Variants in TTC14 observed in about 807,000 individuals in gnomAD.
TTC14 encodes tetratricopeptide repeat domain 14.
A neutral mutation model predicts 79.9 loss-of-function variants in TTC14; 63 were observed. The ratio of observed to expected loss-of-function variants is 0.79; its 90% CI spans 0.64 to 0.97. The LOEUF (loss-of-function observed/expected upper bound fraction) is 0.97, where lower values mean the gene tolerates loss of function less well. TTC14 is among the 50% of genes least tolerant of loss of function. The pLI is 0.00. For synonymous variants in TTC14, 335 were observed against 309.6 expected, an observed-to-expected ratio of 1.08 and a Z score of -0.86; for missense variants, 895 against 894.0, an observed-to-expected ratio of 1.00 and a Z score of -0.01.
In TTC14 at chr3:180,603,324, G is replaced by A. The variant is rs768174792; in HGVS notation, c.486+1G>A. 6.2e-7 allele frequency: 1 copy of A among 1,612,628 alleles called. No homozygotes were observed. The highest frequency in any genetic ancestry group is 1.1e-5 in the South Asian group (1 of 91,038). On this transcript the variant is annotated splice_donor_variant, in intron 3 of 11. Coordinates refer to ENST00000296015, the MANE Select transcript of TTC14 (RefSeq NM_133462.4). LOFTEE classifies it high-confidence loss of function. ...AGATATAGCCCACTTAGAAATCACA[G>A]TAAGTTATTTTTGTTACTTGGATTG... is the stretch of plus-strand genomic sequence containing the variant.
chr3:180,602,755 A>C, intron 1 of TTC14, 136 bp from the exon 2 acceptor site: 4 of 1,115,656 alleles, frequency 3.6e-6, no homozygotes, highest in Non-Finnish European at 4.9e-6. Flanking sequence ...TGCCTAGTTA[A>C]AACTTTTTGT....
chr3:180,612,495 C>G (rs943828810), downstream of TTC14, among the ~76,000 whole-genome samples: 2 of 152,174 alleles, frequency 1.3e-5, no homozygotes, highest in Non-Finnish European at 2.9e-5. Context: ...GGGCTGAGTA[C>G]AGTCACTCAT....
rs140716057 is a variant in TTC14 at position 180,606,699 on chromosome 3, T to G, written c.1172+96T>G. ...GGAAATAGTTTCTTAAGCACTTAAT[T>G]TATAACACTCTTGGTTTCAATAAAT... On this transcript the variant is annotated intron_variant, in intron 9 of 11. Coordinates refer to ENST00000296015, the MANE Select transcript of TTC14 (RefSeq NM_133462.4). The G allele has an allele frequency of 1.9e-3, 2,635 of 1,357,230 alleles. 12 individuals are homozygous for G. The Middle Eastern group carries it at 0.031, about 16-fold the overall frequency. The allele number at this position is 1,357,230 out of a possible 1,614,324, so 84.1% of individuals were successfully genotyped here. A position where few individuals can be genotyped will look rare whatever the true frequency, so the allele number is the denominator to read the frequency against.
chr3:180,613,773 T>C, downstream of TTC14: 2 of 430,860 alleles, frequency 4.6e-6, no homozygotes, highest in South Asian at 3.4e-5. Context: ...ATAAATCTCA[T>C]GCATTAGAGC....
chr3:180,613,933 A>C, downstream of TTC14: 1 of 436,546 alleles, frequency 2.3e-6, no homozygotes, highest in Non-Finnish European at 4.5e-6. Context: ...AAGAAGTACA[A>C]ACAACAGTTC....
chr3:180,616,074 GC>G (rs1424795642), downstream of TTC14, among the ~76,000 whole-genome samples: 1 of 152,206 alleles, frequency 6.6e-6, no homozygotes, highest in Non-Finnish European at 1.5e-5. Flanking sequence ...AGTGACACCA[GC>G]AGAAGTCAGA....
Position 180,609,699 on chromosome 3 carries a change from A to T in TTC14, c.1470A>T (p.Ser490=). Residue 490 remains serine, a synonymous_variant, in exon 12 of 12, where the codon TCA becomes TCT. Transcript: ENST00000296015. ...CTTCTGCTGATGAATCAGTGTCTTC[A>T]TCATCATCCTCTTCCTCTTCTGGTC... The part of the protein sequence containing the change: ...SVSSADESVS[S]SSSSSSSGHK... 6.2e-7 allele frequency: 1 copy of T among 1,610,246 alleles called. No homozygotes were observed. The highest frequency in any genetic ancestry group is 2.2e-5 in the East Asian group (1 of 44,838).
chr3:180,610,031 A>G lies in TTC14; in HGVS notation c.1802A>G (p.Tyr601Cys), dbSNP rs777105843. 59 of 1,613,952 alleles carry G rather than the reference A, an allele frequency of 3.7e-5. No homozygotes were observed. Among genetic ancestry groups the G allele is most frequent in the Admixed American group, 5.0e-5 (3 of 59,996 alleles). The change falls in exon 12 of 12, where the codon TAT (tyrosine) becomes TGT (cysteine). Residue 601 changes from tyrosine (Y) to cysteine (C), a missense_variant. Physicochemically the swap from Tyr to Cys is radical, Grantham distance 194 (BLOSUM62 -2). Coordinates refer to ENST00000296015, the MANE Select transcript of TTC14 (RefSeq NM_133462.4). ...AGGTCTGAAGATCCAAGAGATTTTT[A>G]TAACAGCTATAAAACCCAAGCAGGT... The part of the protein sequence containing the change: ...GGRSEDPRDF[Y>C]NSYKTQAGSS...
rs1716388091 is a variant in TTC14, at chr3:180,602,200, G to A, written c.-62G>A. ...CCGCTTCCTGTACCACCCGGCTCAAGTAGCGGACACGGAACAGGGAACTAT... is the reference window on the plus strand; with the variant it reads ...CCGCTTCCTGTACCACCCGGCTCAAATAGCGGACACGGAACAGGGAACTAT... On this transcript the variant is annotated 5_prime_UTR_variant, in exon 1 of 12. Coordinates refer to ENST00000296015, the MANE Select transcript of TTC14 (RefSeq NM_133462.4). 1.9e-6 allele frequency: 3 copies of A among 1,586,940 alleles called. 1 individual carries two copies. The highest frequency in any genetic ancestry group is 2.6e-6 in the Non-Finnish European group (3 of 1,166,528).
Position 180,610,184 on chromosome 3 carries a change from A to C in TTC14, c.1955A>C (p.Glu652Ala). 6.2e-7 allele frequency: 1 copy of C among 1,613,858 alleles called. No homozygotes were observed. Among genetic ancestry groups the C allele is most frequent in the Non-Finnish European group, 8.5e-7 (1 of 1,179,908 alleles). Residue 652 changes from glutamate (E) to alanine (A), a missense_variant, in exon 12 of 12, where the codon GAG becomes GCG. Physicochemically the swap from Glu to Ala is moderately radical, Grantham distance 107. Transcript: ENST00000296015. ...YGYRRFEKDI[E>A]GRKEHYRRWE... ...TATAGGAGATTTGAAAAGGATATAGAGGGAAGAAAAGAGCACTATAGAAGG... is the reference window on the plus strand; with the variant it reads ...TATAGGAGATTTGAAAAGGATATAGCGGGAAGAAAAGAGCACTATAGAAGG...
downstream of TTC14, chr3:180,615,092 A>G (rs1350938950): frequency 6.6e-7 from 1 of 1,508,866 alleles, no homozygotes; most frequent in African/African-American, 1.4e-5. Context: ...AAGAAAAACC[A>G]GAATTATAAA....
chr3:180,608,882 G>A (rs1716838903), intron 11 of TTC14, 72 bp downstream of exon 11: 5 of 1,290,128 alleles, frequency 3.9e-6, no homozygotes, highest in Non-Finnish European at 4.0e-6. Context: ...CATACTGGAG[G>A]TAAAGTAAAT....
chr3:180,607,710 A>T lies in TTC14; in HGVS notation c.1235A>T (p.Asp412Val). ...ESYYKKALAL[D>V]ETFKDAEDAL... ...TACTATAAGAAAGCTTTGGCTTTGG[A>T]TGAGACTTTTAAAGATGCAGAGGAT... Residue 412 changes from aspartate to valine, a missense_variant, in exon 10 of 12, where the codon GAT (aspartate) becomes GTT (valine). By Grantham distance (152) the Asp-to-Val change is radical (BLOSUM62 -3). Coordinates refer to ENST00000296015, the MANE Select transcript of TTC14 (RefSeq NM_133462.4). 1 of 1,612,676 alleles carries T rather than the reference A, an allele frequency of 6.2e-7. No homozygotes were observed. The highest frequency in any genetic ancestry group is 8.5e-7 in the Non-Finnish European group (1 of 1,179,334).
At chr3:180,603,429 C>T in intron 3 of TTC14, 106 bp downstream of exon 3, 2 of 977,046 alleles carry the variant, frequency 2.0e-6, no homozygotes, top group Non-Finnish European at 3.2e-6. Flanking sequence ...TGCCAAGATG[C>T]TTTTGGAAAT....
intron 9 of TTC14, among the ~76,000 whole-genome samples, chr3:180,606,903 G>GAA (rs1716729435): frequency 6.6e-6 from 1 of 152,002 alleles, no homozygotes; most frequent in Non-Finnish European, 1.5e-5. Flanking sequence ...TTAATGATTG[G>GAA]AGCAGCTTTT....
downstream of TTC14, among the ~76,000 whole-genome samples, chr3:180,613,477 C>T (rs966638226): frequency 2.0e-5 from 3 of 152,176 alleles, no homozygotes; most frequent in Non-Finnish European, 4.4e-5. Flanking sequence ...CAGGTGGCAA[C>T]TCAGTAAGTA....
intron 7 of TTC14, 131 bp downstream of exon 7, chr3:180,605,968 C>T (rs1442390687): frequency 3.9e-5 from 38 of 973,624 alleles, no homozygotes; most frequent in Non-Finnish European, 5.5e-5. Flanking sequence ...ATGAGCTTTT[C>T]TTTTATAGAT....
In TTC14 at chr3:180,616,851, G is replaced by A. The variant is rs7613155; in HGVS notation, c.1775-529G>A. 3.2e-5 allele frequency: 52 copies of A among 1,609,416 alleles called. No homozygotes were observed. The African/African-American group carries it at 5.3e-4, about 17-fold the overall frequency. On this transcript the variant is annotated intron_variant, in intron 12 of 12. Coordinates refer to the TTC14 transcript ENST00000382584. The stretch of plus-strand genomic sequence containing the variant: ...CTGTTTGGTCACTCTTTCTAATTTT[G>A]GCTTCTGCTCCTCCGTTTCTTTACT...
At chr3:180,616,970 T>A in intron 12 of TTC14, 1 of 1,290,652 alleles carries the variant, frequency 7.7e-7, no homozygotes, top group Non-Finnish European at 1.1e-6. Context: ...CCATGCTCTG[T>A]AGAAAAAATA....
Sources: allele counts gnomAD v4.1 joint callset (sites outside exome capture counted in the v4.1 genomes callset), GRCh38; gene constraint gnomAD v4.1.1; transcripts MANE v1.5; gene names NCBI Gene and HGNC (gene_info 2026-07-23, HGNC 2026-07-21).